The following LENG9 variants were observed in gnomAD, a reference collection of about 807,000 sequenced individuals.
The protein encoded by LENG9 is leukocyte receptor cluster (LRC) member 9.
For missense variants in LENG9, 872 were observed against 652.7 expected (o/e 1.34, Z -3.66); for synonymous variants, 410 against 303.9 (o/e 1.35, Z -3.63).
rs754732268 is a variant in LENG9, at chr19:54,462,376, C to T, written c.1151G>A (p.Gly384Asp). Residue 384 changes from glycine to aspartate, a missense_variant, in exon 1 of 1, where the codon GGC (glycine) becomes GAC (aspartate). Transcript: ENST00000611161. ...GGGTGGGGCACACAGCACATGCGGG[C>T]CCAGGAGGACCAGCTTTCTAAAGCT... ...RLSFRKLVLL[G>D]PHVLCAPPSP... 1 of 1,612,406 alleles carries T rather than the reference C, an allele frequency of 6.2e-7. No individual in the cohort carries two copies. Among genetic ancestry groups the T allele is most frequent in the East Asian group, 2.2e-5 (1 of 44,868 alleles).
rs1569314255 is a variant in LENG9 at position 54,461,879 on chromosome 19, CT to C, written c.*210del. ...TGCAAACAGCTGGACTGTCAGGCTG[CT>C]TTTTTTCCAGATGTTCCTCCTCTGC... On this transcript the variant is annotated 3_prime_UTR_variant, in exon 1 of 1. Coordinates refer to ENST00000611161, the MANE Select transcript of LENG9 (RefSeq NM_001301782.2). The C allele has an allele frequency of 1.8e-5, 13 of 721,954 alleles. No homozygotes were observed. Among genetic ancestry groups the C allele is most frequent in the Admixed American group, 4.0e-5 (2 of 49,938 alleles). 44.7% of individuals were successfully genotyped at this position (721,954 alleles called of 1,614,324 possible). A position where few individuals can be genotyped will look rare whatever the true frequency, so the allele number is the denominator to read the frequency against.
At position 54,462,590 on chromosome 19, in the gene LENG9, C is replaced by A. The variant is rs769368474; in HGVS notation, c.937G>T (p.Glu313Ter). The change falls in exon 1 of 1, where the codon GAA (glutamate) becomes TAA (stop). Residue 313 changes from glutamate to a stop codon, truncating the protein, a stop_gained. Transcript: ENST00000611161. LOFTEE classifies it low-confidence loss of function (END_TRUNC). ...AGGTATTCCTGGGCCTTGGTCACTT[C>A]TGCTTGTAGCCCAGGCTCGGTCACC... ...LMVTEPGLQA[E>*]VTKAQEYLVH... 6.2e-7 allele frequency: 1 copy of A among 1,613,724 alleles called. No individual in the cohort carries two copies. The highest frequency in any genetic ancestry group is 8.5e-7 in the Non-Finnish European group (1 of 1,180,018).
chr19:54,463,639 CG>C lies in LENG9; in HGVS notation c.-114del. 8.0e-7 allele frequency: 1 copy of C among 1,248,660 alleles called. No individual in the cohort carries two copies. The highest frequency in any genetic ancestry group is 1.0e-6 in the Non-Finnish European group (1 of 985,838). 77.3% of individuals were successfully genotyped at this position (1,248,660 alleles called of 1,614,324 possible). On this transcript the variant is annotated 5_prime_UTR_variant, in exon 1 of 1. Transcript: ENST00000611161. ...ACAGTGGCGTCAGCGGCCCGCGCTC[CG>C]GCCTAGCTCTGGGGACCACGCCGCG...
In LENG9 at chr19:54,463,402, T is replaced by TG; in HGVS notation, c.124dup (p.His42ProfsTer183). 1 of 1,260,758 alleles carries TG rather than the reference T, an allele frequency of 7.9e-7. No individual in the cohort carries two copies. The highest frequency in any genetic ancestry group is 3.2e-5 in the East Asian group (1 of 31,112). The allele number at this position is 1,260,758 out of a possible 1,614,324, so 78.1% of individuals were successfully genotyped here. A position where few individuals can be genotyped will look rare whatever the true frequency, so the allele number is the denominator to read the frequency against. ...GCCAGGCGGCGCCGGCGCCCCAGGG[T>TG]GGGGCTGGCGGCAGCGGGCGCCGAA... is the stretch of plus-strand genomic sequence containing the variant. On this transcript the variant is annotated frameshift_variant, in exon 1 of 1. Coordinates refer to ENST00000611161, the MANE Select transcript of LENG9 (RefSeq NM_001301782.2). LOFTEE classifies it low-confidence loss of function (END_TRUNC).
At position 54,462,304 on chromosome 19, in the gene LENG9, T is replaced by A. The variant is rs1286120730; in HGVS notation, c.1223A>T (p.Glu408Val). ...SMAQVLSQRL[E>V]AEGLSTLQSP... ...CTGTAGTGTACTCAGCCCCTCGGCTTCCAGCCTCTGGCTCAGCACTTGTGC... is the reference window on the plus strand; with the variant it reads ...CTGTAGTGTACTCAGCCCCTCGGCTACCAGCCTCTGGCTCAGCACTTGTGC... The change falls in exon 1 of 1, where the codon GAA (glutamate) becomes GTA (valine). Residue 408 changes from glutamate (E) to valine (V), a missense_variant. By Grantham distance (121) the Glu-to-Val change is moderately radical (BLOSUM62 -2). Transcript: ENST00000611161. The A allele has an allele frequency of 1.2e-6, 2 of 1,602,646 alleles. No homozygotes were observed. Among genetic ancestry groups the A allele is most frequent in the East Asian group, 4.5e-5 (2 of 44,690 alleles).
chr19:54,463,420 G>T lies in LENG9; in HGVS notation c.107C>A (p.Ala36Asp). Reference protein sequence around the residue: ...FFLEGRCRFGARCRQPHPGAP... With the variant: ...FFLEGRCRFGDRCRQPHPGAP... Reference sequence around the variant, plus strand: ...CCCAGGGTGGGGCTGGCGGCAGCGGGCGCCGAAGCGGCAGCGGCCTTCCAG... The same window carrying T: ...CCCAGGGTGGGGCTGGCGGCAGCGGTCGCCGAAGCGGCAGCGGCCTTCCAG... The change falls in exon 1 of 1, where the codon GCC (alanine) becomes GAC (aspartate). Residue 36 changes from alanine (A) to aspartate (D), a missense_variant. Ala to Asp is a moderately radical substitution (Grantham distance 126, BLOSUM62 -2). Transcript: ENST00000611161. The T allele has an allele frequency of 8.0e-7, 1 of 1,242,238 alleles. No individual in the cohort carries two copies. The highest frequency in any genetic ancestry group is 1.0e-6 in the Non-Finnish European group (1 of 993,742). The allele number at this position is 1,242,238 out of a possible 1,614,324, so 77.0% of individuals were successfully genotyped here. A position where few individuals can be genotyped will look rare whatever the true frequency, so the allele number is the denominator to read the frequency against.
chr19:54,462,322 A>C lies in LENG9; in HGVS notation c.1205T>G (p.Val402Gly), dbSNP rs779832304. ...CTCGGCTTCCAGCCTCTGGCTCAGC[A>C]CTTGTGCCATGCTTTCCAGTGTGGG... The part of the protein sequence containing the change: ...PSPTLESMAQ[V>G]LSQRLEAEGL... The change falls in exon 1 of 1, where the codon GTG becomes GGG. Residue 402 changes from valine to glycine, a missense_variant. Val to Gly is a moderately radical substitution (Grantham distance 109, BLOSUM62 -3). Coordinates refer to ENST00000611161, the MANE Select transcript of LENG9 (RefSeq NM_001301782.2). 23 of 1,605,596 alleles carry C rather than the reference A, an allele frequency of 1.4e-5. No individual in the cohort carries two copies. Among genetic ancestry groups the C allele is most frequent in the Non-Finnish European group, 1.7e-5 (20 of 1,174,472 alleles).
rs2084610588 is a variant in LENG9, at chr19:54,462,326, G to C, written c.1201C>G (p.Gln401Glu). ...GCTTCCAGCCTCTGGCTCAGCACTT[G>C]TGCCATGCTTTCCAGTGTGGGAGAG... ...PPSPTLESMA[Q>E]VLSQRLEAEG... The change falls in exon 1 of 1, where the codon CAA (glutamine) becomes GAA (glutamate). Residue 401 changes from glutamine (Q) to glutamate (E), a missense_variant. Coordinates refer to ENST00000611161, the MANE Select transcript of LENG9 (RefSeq NM_001301782.2). 1.2e-6 allele frequency: 2 copies of C among 1,606,632 alleles called. No homozygotes were observed. Among genetic ancestry groups the C allele is most frequent in the African/African-American group, 1.3e-5 (1 of 74,824 alleles).
chr19:54,462,855 A>C lies in LENG9; in HGVS notation c.672T>G (p.Asp224Glu), dbSNP rs114003509. The change falls in exon 1 of 1, where the codon GAT becomes GAG. Residue 224 changes from aspartate to glutamate, a missense_variant. By Grantham distance (45) the Asp-to-Glu change is conservative (BLOSUM62 2). Transcript: ENST00000611161. ...GTCCTCTTGGGGCCAGTGTTCCCAA[A>C]TCAGCAGCTGTGCCCAGCGCCCTCT... Reference protein sequence around the residue: ...AQERALGTAADLGTLAPRGRL... With the variant: ...AQERALGTAAELGTLAPRGRL... 6.8e-6 allele frequency: 11 copies of C among 1,612,454 alleles called. No individual in the cohort carries two copies. The highest frequency in any genetic ancestry group is 9.3e-6 in the Non-Finnish European group (11 of 1,179,908).
Position 54,462,738 on chromosome 19 carries a change from C to T in LENG9, c.789G>A (p.Pro263=), listed in dbSNP as rs150665622. The T allele has an allele frequency of 6.2e-7, 1 of 1,610,972 alleles. No homozygotes were observed. The highest frequency in any genetic ancestry group is 8.5e-7 in the Non-Finnish European group (1 of 1,179,996). ...GGKEAQALGV[P]GGSAETTEAE... ...CTTCTGTCGTCTCAGCGGAGCCCCC[C>T]GGGACTCCCAGGGCCTGTGCTTCCT... is the stretch of plus-strand genomic sequence containing the variant. The change falls in exon 1 of 1, where the codon CCG becomes CCA. Residue 263 remains proline, a synonymous_variant. Coordinates refer to ENST00000611161, the MANE Select transcript of LENG9 (RefSeq NM_001301782.2).
Position 54,462,642 on chromosome 19 carries a change from C to T in LENG9, c.885G>A (p.Pro295=). 6.2e-7 allele frequency: 1 copy of T among 1,613,274 alleles called. No individual in the cohort carries two copies. Among genetic ancestry groups the T allele is most frequent in the Non-Finnish European group, 8.5e-7 (1 of 1,180,018 alleles). Residue 295 remains proline (P), a synonymous_variant, in exon 1 of 1, where the codon CCG becomes CCA. Coordinates refer to ENST00000611161, the MANE Select transcript of LENG9 (RefSeq NM_001301782.2). ...ARLSVAAPCQ[P]RPTHFVALMV... is the part of the protein sequence containing the mutation. ...TGAGGGCCACAAAATGTGTGGGGCGCGGTTGGCAAGGGGCTGCAACACTAA... is the reference window on the plus strand; with the variant it reads ...TGAGGGCCACAAAATGTGTGGGGCGTGGTTGGCAAGGGGCTGCAACACTAA...
chr19:54,462,864 T>G lies in LENG9; in HGVS notation c.663A>C (p.Thr221=), dbSNP rs767718152. 1.9e-6 allele frequency: 3 copies of G among 1,612,760 alleles called. No individual in the cohort carries two copies. Among genetic ancestry groups the G allele is most frequent in the Admixed American group, 3.3e-5 (2 of 60,024 alleles). Residue 221 remains threonine (T), a synonymous_variant, in exon 1 of 1, where the codon ACA becomes ACC. Transcript: ENST00000611161. ...LEAAQERALG[T]AADLGTLAPR... is the part of the protein sequence containing the mutation. The stretch of plus-strand genomic sequence containing the variant: ...GGGCCAGTGTTCCCAAATCAGCAGC[T>G]GTGCCCAGCGCCCTCTCCTGGGCCG...
chr19:54,462,060 T>C lies in LENG9; in HGVS notation c.*30A>G. On this transcript the variant is annotated 3_prime_UTR_variant, in exon 1 of 1. Transcript: ENST00000611161. ...GTCTTTCCTGTGTGGGCTGTTTGCA[T>C]CCATTGTCTCCTCCAGAGGTCTGGG... is the stretch of plus-strand genomic sequence containing the variant. The C allele has an allele frequency of 1.3e-6, 2 of 1,541,938 alleles. No individual in the cohort carries two copies. The highest frequency in any genetic ancestry group is 1.7e-6 in the Non-Finnish European group (2 of 1,147,638).
chr19:54,462,732 GC>G lies in LENG9; in HGVS notation c.794del (p.Gly265AlafsTer41). Reference sequence around the variant, plus strand: ...ACTCGGCTTCTGTCGTCTCAGCGGAGCCCCCCGGGACTCCCAGGGCCTGTGC... The same window carrying G: ...ACTCGGCTTCTGTCGTCTCAGCGGAGCCCCCGGGACTCCCAGGGCCTGTGC... ...KEAQALGVPG[G>X]SAETTEAEWG... On this transcript the variant is annotated frameshift_variant, in exon 1 of 1. Transcript: ENST00000611161. LOFTEE classifies it low-confidence loss of function (END_TRUNC). 1.2e-6 allele frequency: 2 copies of G among 1,610,688 alleles called. No individual in the cohort carries two copies.
Position 54,463,682 on chromosome 19 carries a change from C to G in LENG9, c.-156G>C, listed in dbSNP as rs1848627516. 2.0e-6 allele frequency: 2 copies of G among 1,007,610 alleles called. No homozygotes were observed. Among genetic ancestry groups the G allele is most frequent in the African/African-American group, 3.4e-5 (2 of 59,056 alleles). The allele number at this position is 1,007,610 out of a possible 1,614,324, so 62.4% of individuals were successfully genotyped here. On this transcript the variant is annotated 5_prime_UTR_variant, in exon 1 of 1. Transcript: ENST00000611161. ...CACGCCGCGTGCCCTCGCGAGGACT[C>G]TGGCCCAGTCCCTCCTTGGTGGAGA...
Position 54,463,170 on chromosome 19 carries a change from TGCCAGCAC to T in LENG9, c.349_356del (p.Val117SerfsTer105). On this transcript the variant is annotated frameshift_variant, in exon 1 of 1. Transcript: ENST00000611161. LOFTEE classifies it low-confidence loss of function (END_TRUNC). ...AGAAGCGCACGCGGTGCTGGGGCAC[TGCCAGCAC>T]GCCCGGCCCGAGCGCCGCCAGCGGC... 6.3e-7 allele frequency: 1 copy of T among 1,584,170 alleles called. No individual in the cohort carries two copies.
Position 54,463,403 on chromosome 19 carries a change from G to T in LENG9, c.124C>A (p.His42Asn), listed in dbSNP as rs2084665233. Residue 42 changes from histidine to asparagine, a missense_variant, in exon 1 of 1, where the codon CAC (histidine) becomes AAC (asparagine). Transcript: ENST00000611161. ...CCAGGCGGCGCCGGCGCCCCAGGGTGGGGCTGGCGGCAGCGGGCGCCGAAG... is the reference window on the plus strand; with the variant it reads ...CCAGGCGGCGCCGGCGCCCCAGGGTTGGGCTGGCGGCAGCGGGCGCCGAAG... ...CRFGARCRQP[H>N]PGAPAPPGRE... 4.4e-5 allele frequency: 55 copies of T among 1,243,778 alleles called. No homozygotes were observed. The East Asian group carries it at 1.8e-3, about 40-fold the overall frequency. The allele number at this position is 1,243,778 out of a possible 1,614,324, so 77.0% of individuals were successfully genotyped here. A position where few individuals can be genotyped will look rare whatever the true frequency, so the allele number is the denominator to read the frequency against.
At position 54,462,470 on chromosome 19, in the gene LENG9, C is replaced by A; in HGVS notation, c.1057G>T (p.Glu353Ter). 6.2e-7 allele frequency: 1 copy of A among 1,613,424 alleles called. No homozygotes were observed. Among genetic ancestry groups the A allele is most frequent in the South Asian group, 1.1e-5 (1 of 91,088 alleles). ...CTCAGAGCTCCAATGGCAGCGGCCT[C>A]CTCCCCAGCGCCTGCCAGTCGCAGC... ...ALLRLAGAGE[E>*]AAAIGALRRA... is the part of the protein sequence containing the mutation. Residue 353 changes from glutamate (E) to a stop codon, truncating the protein, a stop_gained, in exon 1 of 1, where the codon GAG becomes TAG. Coordinates refer to ENST00000611161, the MANE Select transcript of LENG9 (RefSeq NM_001301782.2). LOFTEE classifies it low-confidence loss of function (END_TRUNC).
Position 54,463,074 on chromosome 19 carries a change from C to T in LENG9, c.453G>A (p.Ala151=). 6.2e-7 allele frequency: 1 copy of T among 1,602,048 alleles called. No individual in the cohort carries two copies. The highest frequency in any genetic ancestry group is 1.3e-5 in the African/African-American group (1 of 75,020). The stretch of plus-strand genomic sequence containing the variant: ...CCAGGATGGTGGGCCCGCGTCCCGC[C>T]GCCGAGCCAGAGCCAAAGACGAGGT... ...RTDLVFGSGS[A]AGRGPTILDA... is the part of the protein sequence containing the mutation. The change falls in exon 1 of 1, where the codon GCG becomes GCA. Residue 151 remains alanine, a synonymous_variant. Transcript: ENST00000611161.
Sources: gnomAD v4.1 joint callset for allele counts on GRCh38, gnomAD v4.1.1 for gene constraint, MANE v1.5 for transcripts, NCBI Gene and HGNC (gene_info 2026-07-23, HGNC 2026-07-21) for gene names.